Variants in MAST4 observed in about 807,000 individuals in gnomAD.
MAST4 encodes the protein microtubule-associated serine/threonine-protein kinase 4.
A neutral mutation model predicts 162.7 loss-of-function variants in MAST4; 89 were observed. That is an observed-to-expected ratio of 0.55 (90% CI 0.46 to 0.65). MAST4 has a LOEUF of 0.65. Ranked by LOEUF, MAST4 falls within the 30% of genes least tolerant of loss-of-function variation. The pLI, the probability that MAST4 is intolerant of heterozygous loss-of-function variation, is 0.00. For missense variants in MAST4, 3,153 were observed against 3,374.0 expected, an observed-to-expected ratio of 0.93 and a Z score of 1.62; for synonymous variants, 1,479 against 1,361.1, an observed-to-expected ratio of 1.09 and a Z score of -1.91.
chr5:66,847,203 T>C (rs1329298944), intron 3 of MAST4, among the ~76,000 whole-genome samples: 1 of 152,216 alleles, frequency 6.6e-6, no homozygotes, highest in African/African-American at 2.4e-5. Context: ...GATGTAGATC[T>C]GTCTTAATTC....
chr5:66,778,143 G>A (rs1160909412), intron 2 of MAST4, among the ~76,000 whole-genome samples: 1 of 152,168 alleles, frequency 6.6e-6, no homozygotes, highest in Non-Finnish European at 1.5e-5. Flanking sequence ...ACTGCTTGAT[G>A]TCAGAATCTT....
At chr5:67,149,362 T>C (rs1771503734) in intron 23 of MAST4, 27 bp from the exon 24 acceptor site, 3 of 1,596,990 alleles carry the variant, frequency 1.9e-6, no homozygotes, top group African/African-American at 2.7e-5. Context: ...TTTTCCTGAA[T>C]GTGTTTATCC....
chr5:66,603,131 G>C (rs1252538905), intron 1 of MAST4, among the ~76,000 whole-genome samples: 2 of 152,160 alleles, frequency 1.3e-5, no homozygotes, highest in African/African-American at 4.8e-5. Flanking sequence ...TATGCTTCTA[G>C]CATATTTTGT....
chr5:67,149,029 C>G (rs1407456982), intron 23 of MAST4, among the ~76,000 whole-genome samples: 1 of 152,018 alleles, frequency 6.6e-6, no homozygotes, highest in Non-Finnish European at 1.5e-5. Flanking sequence ...CATGGCACAG[C>G]CTTTCATGGT....
At chr5:66,905,595 C>T (rs1223798976) in intron 4 of MAST4, among the ~76,000 whole-genome samples, 1 of 152,094 alleles carries the variant, frequency 6.6e-6, no homozygotes, top group South Asian at 2.1e-4. Flanking sequence ...TCAATATGAG[C>T]GACCAAGGCC....
Position 67,095,673 on chromosome 5 carries a change from T to C in MAST4, c.910T>C (p.Ser304Pro). 6.3e-7 allele frequency: 1 copy of C among 1,578,996 alleles called. No individual in the cohort carries two copies. Among genetic ancestry groups the C allele is most frequent in the South Asian group, 1.2e-5 (1 of 84,104 alleles). The change falls in exon 7 of 29, where the codon TCT becomes CCT. Residue 304 changes from serine to proline, a missense_variant and splice_region_variant. Transcript: ENST00000403625. The part of the protein sequence containing the change: ...YGTNTPSSTV[S>P]SSCSSQEKLH... ...GACAAACACACCCAGCTCTACGGTC[T>C]CTGTAAGTGCCTGACTTTTTTTTTT...
intron 4 of MAST4, among the ~76,000 whole-genome samples, chr5:67,046,798 A>C (rs1757426746): frequency 6.6e-6 from 1 of 152,182 alleles, no homozygotes; most frequent in Admixed American, 6.5e-5. Context: ...AATTAGCCTA[A>C]ATTTTTTTTT....
intron 3 of MAST4, among the ~76,000 whole-genome samples, chr5:66,892,787 A>T (rs1006498140): frequency 6.6e-6 from 1 of 152,152 alleles, no homozygotes; most frequent in Non-Finnish European, 1.5e-5. Context: ...ACTGGATGAC[A>T]TAGGTTCATT....
chr5:67,081,124 A>G (rs1762613071), intron 5 of MAST4, among the ~76,000 whole-genome samples: 1 of 143,640 alleles, frequency 7.0e-6, no homozygotes, highest in Non-Finnish European at 1.5e-5. Context: ...ATTTTTTTTT[A>G]ACAGAGGTTT....
intron 14 of MAST4, among the ~76,000 whole-genome samples, chr5:67,125,781 C>T (rs1438513687): frequency 6.6e-6 from 1 of 152,120 alleles, no homozygotes; most frequent in Non-Finnish European, 1.5e-5. Flanking sequence ...AAGGGGATTG[C>T]TGGGTCAAAT....
At chr5:66,746,152 T>A (rs59885378) in intron 1 of MAST4, among the ~76,000 whole-genome samples, 9,779 of 152,206 alleles carry the variant, frequency 0.064, 742 homozygotes, top group East Asian at 0.18. Flanking sequence ...GTTTTGTGAT[T>A]CTGTAATTCT....
chr5:66,732,643 T>C (rs1310598825), intron 1 of MAST4, among the ~76,000 whole-genome samples: 1 of 152,226 alleles, frequency 6.6e-6, no homozygotes, highest in Non-Finnish European at 1.5e-5. Flanking sequence ...TCAACATTTG[T>C]TCTTTGAATG....
chr5:66,711,616 C>T (rs1351468940), intron 1 of MAST4, among the ~76,000 whole-genome samples: 1 of 152,134 alleles, frequency 6.6e-6, no homozygotes, highest in African/African-American at 2.4e-5. Flanking sequence ...AGGTGGATCA[C>T]TTGAGGTCAG....
rs1249804431 is a variant in MAST4, at chr5:67,136,406, G to A, written c.2393-157G>A. Among the ~76,000 whole-genome samples, 8 of 152,152 alleles carry A rather than the reference G, an allele frequency of 5.3e-5. No homozygotes were observed. The South Asian group carries it at 6.2e-4, about 12-fold the overall frequency. ...TCAAACATGACTGTGTTTAGGAATC[G>A]ACTGAAGATCTTGTTGAAAGGCAGA... On this transcript the variant is annotated intron_variant, in intron 18 of 28. Transcript: ENST00000403625.
intron 3 of MAST4, among the ~76,000 whole-genome samples, chr5:66,814,579 A>C: frequency 6.6e-6 from 1 of 152,218 alleles, no homozygotes; most frequent in East Asian, 1.9e-4. Context: ...GGTGAAATGC[A>C]CTGATGAAGG....
intron 4 of MAST4, among the ~76,000 whole-genome samples, chr5:67,037,102 TA>T (rs774499552): frequency 2.0e-5 from 3 of 151,968 alleles, no homozygotes; most frequent in Non-Finnish European, 4.4e-5. Flanking sequence ...TGGTCTCCAG[TA>T]AAAAGGAAAG....
At chr5:66,682,641 A>T (rs577294448) in intron 1 of MAST4, among the ~76,000 whole-genome samples, 46 of 152,360 alleles carry the variant, frequency 3.0e-4, no homozygotes, top group African/African-American at 1.0e-3. Flanking sequence ...AGAAGTGAGC[A>T]TTAGGTATTG....
chr5:67,095,865 T>A (rs540242024), intron 7 of MAST4, among the ~76,000 whole-genome samples, 190 bp downstream of exon 7: 3 of 152,210 alleles, frequency 2.0e-5, no homozygotes, highest in Non-Finnish European at 4.4e-5. Context: ...GCTGCAAGCT[T>A]TTAAACTGTA....
chr5:67,100,264 CTG>C (rs897283705), intron 7 of MAST4, among the ~76,000 whole-genome samples, 169 bp from the exon 8 acceptor site: 2 of 152,150 alleles, frequency 1.3e-5, no homozygotes, highest in African/African-American at 2.4e-5. Context: ...ATTTTGAACT[CTG>C]AGAGAGAACA....
Sources: gnomAD v4.1 joint callset for allele counts (sites outside exome capture counted in the v4.1 genomes callset) on GRCh38, gnomAD v4.1.1 for gene constraint, MANE v1.5 for transcripts, NCBI Gene and HGNC (gene_info 2026-07-23, HGNC 2026-07-21) for gene names.